ATRNL1: variants seen among roughly 807,000 people sequenced by gnomAD.
ATRNL1 encodes the protein attractin like 1.
Under a neutral mutation model 182.7 loss-of-function variants are expected in ATRNL1, and 95 were observed. That is an observed-to-expected ratio of 0.52 (90% CI 0.44 to 0.62). The LOEUF is 0.62. Among genes scored for constraint, ATRNL1 ranks in the 20% least tolerant of loss-of-function variants. The probability of loss-of-function intolerance (pLI) is 0.00; values close to 1 mark genes in which losing one functional copy is unlikely to be tolerated. For synonymous variants in ATRNL1, 576 were observed against 568.3 expected (o/e 1.01, Z -0.19); for missense variants, 1,471 against 1,679.5 (o/e 0.88, Z 2.17).
chr10:115,827,162 GAC>G (rs1950453825), intron 27 of ATRNL1, among the ~76,000 whole-genome samples: 1 of 152,198 alleles, frequency 6.6e-6, no homozygotes, highest in Non-Finnish European at 1.5e-5. Flanking sequence ...AGGTCTAGAA[GAC>G]AGTGTCCCTG....
chr10:115,601,827 A>G (rs1856609147), intron 26 of ATRNL1, among the ~76,000 whole-genome samples: 1 of 152,088 alleles, frequency 6.6e-6, no homozygotes, highest in Non-Finnish European at 1.5e-5. Context: ...TTCTTCCTGC[A>G]TTTCTAATTG....
chr10:115,147,875 A>G (rs1378954933), intron 5 of ATRNL1, among the ~76,000 whole-genome samples: 4 of 152,058 alleles, frequency 2.6e-5, no homozygotes, highest in Non-Finnish European at 4.4e-5. Context: ...CTTGTAATAT[A>G]TTTTGAAGTC....
chr10:115,815,729 T>G (rs1555088380), intron 27 of ATRNL1, among the ~76,000 whole-genome samples: 2 of 152,132 alleles, frequency 1.3e-5, no homozygotes, highest in Non-Finnish European at 2.9e-5. Context: ...TAGAAATGTG[T>G]GCAAAGAATA....
At chr10:115,753,660 G>A (rs782493122) in intron 27 of ATRNL1, among the ~76,000 whole-genome samples, 4 of 152,052 alleles carry the variant, frequency 2.6e-5, no homozygotes, top group South Asian at 2.1e-4. Flanking sequence ...CTTTATAGTC[G>A]AATGACTTAT....
intron 25 of ATRNL1, among the ~76,000 whole-genome samples, chr10:115,544,020 C>G (rs1432469324): frequency 2.6e-5 from 4 of 151,878 alleles, no homozygotes; most frequent in Non-Finnish European, 4.4e-5. Flanking sequence ...AAAAAGAAAG[C>G]CCAATTATTC....
At chr10:115,696,870 C>CGAGAGAGAGAGAGAGAGAGAGAGAGAGA in intron 26 of ATRNL1, among the ~76,000 whole-genome samples, 1 of 133,952 alleles carries the variant, frequency 7.5e-6, no homozygotes, top group Non-Finnish European at 1.6e-5. Context: ...CATATCAGAG[C>CGAGAGAGAGAGAGAGAGAGAGAGAGAGA]GAGAGAGAGA....
At position 115,746,033 on chromosome 10, in the gene ATRNL1, G is replaced by T. The variant is rs116195474; in HGVS notation, c.3903+18678G>T. ...GAAATAACTCCATTATATAAGAAAA[G>T]AAATATTAATATCAAAGGTTAATTT... On this transcript the variant is annotated intron_variant, in intron 27 of 28. Coordinates refer to ENST00000355044, the MANE Select transcript of ATRNL1 (RefSeq NM_207303.4). Among the ~76,000 whole-genome samples, 558 of 152,118 alleles carry T rather than the reference G, an allele frequency of 3.7e-3. 1 individual carries two copies. The highest frequency in any genetic ancestry group is 0.013 in the African/African-American group (528 of 41,522).
intron 27 of ATRNL1, among the ~76,000 whole-genome samples, chr10:115,829,594 C>T (rs1274937854): frequency 6.6e-6 from 1 of 151,820 alleles, no homozygotes; most frequent in East Asian, 1.9e-4. Flanking sequence ...TAACTCATTT[C>T]CCTTCCTGAG....
intron 18 of ATRNL1, among the ~76,000 whole-genome samples, chr10:115,325,828 C>A (rs1854843969): frequency 6.6e-6 from 1 of 151,810 alleles, no homozygotes; most frequent in African/African-American, 2.4e-5. Context: ...ATTATTTTAC[C>A]ATTAATCTGT....
intron 26 of ATRNL1, among the ~76,000 whole-genome samples, chr10:115,704,454 TAGGACTTTAAC>T (rs1946835906): frequency 6.6e-6 from 1 of 151,930 alleles, no homozygotes; most frequent in Non-Finnish European, 1.5e-5. Context: ...TACGAGGGTT[TAGGACTTTAAC>T]ATTACCTTTT....
intron 24 of ATRNL1, among the ~76,000 whole-genome samples, chr10:115,510,799 T>G (rs1025762523): frequency 6.6e-6 from 1 of 152,010 alleles, no homozygotes; most frequent in Non-Finnish European, 1.5e-5. Context: ...ATATGATATG[T>G]TAATGTGATT....
intron 14 of ATRNL1, among the ~76,000 whole-genome samples, chr10:115,285,293 A>G (rs1852555172): frequency 6.6e-6 from 1 of 152,156 alleles, no homozygotes; most frequent in South Asian, 2.1e-4. Context: ...CATAAAGAGA[A>G]GTTCTGTGGG....
chr10:115,359,666 C>T (rs1856647839), intron 19 of ATRNL1, among the ~76,000 whole-genome samples: 2 of 151,372 alleles, frequency 1.3e-5, no homozygotes, highest in Non-Finnish European at 1.5e-5. Flanking sequence ...TCATTGAAGA[C>T]TGGTAAGAGA....
intron 28 of ATRNL1, among the ~76,000 whole-genome samples, chr10:115,877,306 CATGGCTAGAA>C (rs1350315770): frequency 1.3e-5 from 2 of 152,342 alleles, no homozygotes; most frequent in Admixed American, 1.3e-4. Context: ...AGCCTATACA[CATGGCTAGAA>C]ACAAAGCTAC....
chr10:115,208,158 A>G (rs1454369260), intron 8 of ATRNL1, among the ~76,000 whole-genome samples: 1 of 151,914 alleles, frequency 6.6e-6, no homozygotes, highest in Non-Finnish European at 1.5e-5. Flanking sequence ...ATTCTATTTC[A>G]TTTATAGGCA....
rs1860899696 is a variant in ATRNL1, at chr10:115,664,700, C to T, written c.3796-62548C>T. On this transcript the variant is annotated intron_variant, in intron 26 of 28. Coordinates refer to ENST00000355044, the MANE Select transcript of ATRNL1 (RefSeq NM_207303.4). ...ATAATTTAATAGAAGACTCTGCTCT[C>T]TTCACATTTCAAAGTTTATTTTTTA... 2.0e-5 allele frequency among the ~76,000 whole-genome samples: 3 copies of T among 152,030 alleles called. No homozygotes were observed. The South Asian group carries it at 6.2e-4, about 32-fold the overall frequency.
At chr10:115,135,397 A>C (rs914089862) in intron 5 of ATRNL1, among the ~76,000 whole-genome samples, 2 of 152,242 alleles carry the variant, frequency 1.3e-5, no homozygotes, top group African/African-American at 4.8e-5. Flanking sequence ...AATAACATTC[A>C]AACAGAGAGC....
chr10:115,534,419 A>G (rs1326402424), intron 25 of ATRNL1, among the ~76,000 whole-genome samples: 7 of 152,210 alleles, frequency 4.6e-5, no homozygotes, highest in Non-Finnish European at 8.8e-5. Flanking sequence ...AGAGACTAGG[A>G]TTGCAACCCC....
intron 15 of ATRNL1, among the ~76,000 whole-genome samples, chr10:115,291,109 G>A (rs1554920720): frequency 2.0e-5 from 3 of 152,128 alleles, no homozygotes; most frequent in Non-Finnish European, 4.4e-5. Flanking sequence ...GCTGCTCTTT[G>A]TTAGAAAAAT....
Sources: allele counts gnomAD v4.1 joint callset (sites outside exome capture counted in the v4.1 genomes callset), GRCh38; gene constraint gnomAD v4.1.1; transcripts MANE v1.5; gene names NCBI Gene and HGNC (gene_info 2026-07-23, HGNC 2026-07-21).